Variants in MYH15 observed in about 807,000 individuals in gnomAD.
MYH15 encodes myosin-15.
A neutral mutation model predicts 240.5 loss-of-function variants in MYH15; 227 were observed. The observed-to-expected ratio is 0.94, with a 90% CI of 0.85 to 1.05. The LOEUF is 1.05. MYH15 is among the 50% of genes least tolerant of loss of function. The pLI is 0.00. For synonymous variants in MYH15, 785 were observed against 796.7 expected (o/e 0.99, Z 0.25); for missense variants, 2,217 against 2,247.5 (o/e 0.99, Z 0.27).
chr3:108,508,723 G>T (rs899092248), intron 1 of MYH15, among the ~76,000 whole-genome samples: 1 of 152,060 alleles, frequency 6.6e-6, no homozygotes, highest in Non-Finnish European at 1.5e-5. Flanking sequence ...TAAAACAGGG[G>T]TAATACTATA....
At chr3:108,404,634 A>T (rs1347541603) in intron 33 of MYH15, among the ~76,000 whole-genome samples, 3 of 152,184 alleles carry the variant, frequency 2.0e-5, no homozygotes, top group Non-Finnish European at 2.9e-5. Context: ...TGACAAAGCT[A>T]AGAAAACATT....
rs369600445 is a variant in MYH15 at position 108,463,142 on chromosome 3, G to C, written c.1833C>G (p.Ser611Arg). ...CAGTACTCATGTAATTTTCAAAAAG[G>C]CTCGCCAGGAGTCTGTTGGAAGACT... ...FQKSSNRLLASLFENYMSTDS... is the reference protein window; with the variant it reads ...FQKSSNRLLARLFENYMSTDS... Residue 611 changes from serine to arginine, a missense_variant, in exon 16 of 41, where the codon AGC becomes AGG. Ser to Arg is a moderately radical substitution (Grantham distance 110, BLOSUM62 -1). Coordinates refer to ENST00000693548, the MANE Select transcript of MYH15 (RefSeq NM_014981.3). The C allele has an allele frequency of 4.5e-5, 73 of 1,611,492 alleles. No homozygotes were observed. In the African/African-American group the frequency reaches 7.4e-4, roughly 16 times the overall value.
chr3:108,391,342 A>C (rs1576203723), intron 37 of MYH15, among the ~76,000 whole-genome samples: 1 of 152,130 alleles, frequency 6.6e-6, no homozygotes, highest in East Asian at 1.9e-4. Flanking sequence ...TTTCTTGATC[A>C]TTGATTTAGT....
chr3:108,451,610 C>T (rs2082974401), intron 21 of MYH15, among the ~76,000 whole-genome samples: 1 of 152,028 alleles, frequency 6.6e-6, no homozygotes, highest in Admixed American at 6.6e-5. Flanking sequence ...ATTCAAAGAC[C>T]AGTTATAAAC....
At chr3:108,437,405 G>T in intron 25 of MYH15, 149 bp downstream of exon 25, 1 of 952,482 alleles carries the variant, frequency 1.0e-6, no homozygotes, top group East Asian at 2.8e-5. Context: ...GTCCAGTAAA[G>T]AAAAAAAAAA....
intron 21 of MYH15, among the ~76,000 whole-genome samples, chr3:108,448,440 G>A (rs2082946388): frequency 6.6e-6 from 1 of 151,984 alleles, no homozygotes; most frequent in Non-Finnish European, 1.5e-5. Context: ...TTGAAAAAGA[G>A]CAGGGATACC....
At chr3:108,473,951 A>C (rs959662986) in intron 12 of MYH15, among the ~76,000 whole-genome samples, 5 of 152,166 alleles carry the variant, frequency 3.3e-5, no homozygotes, top group African/African-American at 1.2e-4. Flanking sequence ...TGTGCAGGAC[A>C]CTCTCATCCA....
chr3:108,484,987 T>A, intron 11 of MYH15, 104 bp downstream of exon 11: 1 of 1,230,772 alleles, frequency 8.1e-7, no homozygotes. Context: ...GGAGACACTA[T>A]TGATTAATTT....
At chr3:108,495,483 A>G (rs1419279398) in intron 7 of MYH15, among the ~76,000 whole-genome samples, 4 of 152,214 alleles carry the variant, frequency 2.6e-5, no homozygotes, top group African/African-American at 4.8e-5. Context: ...ATAAAACATT[A>G]TTATAATTTT....
intron 11 of MYH15, among the ~76,000 whole-genome samples, chr3:108,479,501 C>T (rs910114930): frequency 6.6e-6 from 1 of 152,144 alleles, no homozygotes; most frequent in African/African-American, 2.4e-5. Context: ...TTGTGGTAGT[C>T]CTCAACTTTG....
chr3:108,505,747 TA>T lies in MYH15; in HGVS notation c.170del (p.Val57GlufsTer11). On this transcript the variant is annotated frameshift_variant, in exon 2 of 41. Transcript: ENST00000693548. LOFTEE classifies it high-confidence loss of function. ...EVKGSEDDGTVIVETADGESL... is the reference protein window; with the variant it reads ...EVKGSEDDGTXIVETADGESL... ...CCTCTCCATCTGCTGTCTCAACAATTACTGTTCCATCATCTTCACTCCCTTT... is the reference window on the plus strand; with the variant it reads ...CCTCTCCATCTGCTGTCTCAACAATTCTGTTCCATCATCTTCACTCCCTTT... 1 of 1,612,182 alleles carries T rather than the reference TA, an allele frequency of 6.2e-7. No homozygotes were observed. The highest frequency in any genetic ancestry group is 8.5e-7 in the Non-Finnish European group (1 of 1,179,044).
intron 1 of MYH15, among the ~76,000 whole-genome samples, chr3:108,525,582 C>T (rs2083660367): frequency 6.6e-6 from 1 of 152,102 alleles, no homozygotes; most frequent in Non-Finnish European, 1.5e-5. Context: ...GGGCCAAAAA[C>T]ACTTTCCAGC....
At chr3:108,475,341 T>A (rs2083211511) in intron 12 of MYH15, among the ~76,000 whole-genome samples, 1 of 152,180 alleles carries the variant, frequency 6.6e-6, no homozygotes, top group Non-Finnish European at 1.5e-5. Flanking sequence ...CTCTGAGTAT[T>A]ATTGTAAGAA....
chr3:108,423,690 A>G (rs1436272357), intron 27 of MYH15, among the ~76,000 whole-genome samples: 1 of 152,234 alleles, frequency 6.6e-6, no homozygotes, highest in African/African-American at 2.4e-5. Context: ...TCTTTCTACA[A>G]ATGAGAAAAC....
chr3:108,470,604 C>T (rs1236424481), intron 13 of MYH15, 94 bp downstream of exon 13: 1 of 1,324,744 alleles, frequency 7.5e-7, no homozygotes, highest in Non-Finnish European at 1.0e-6. Flanking sequence ...ATAGAATGAT[C>T]CCCATGCTTT....
At chr3:108,432,463 C>G (rs1391360174) in intron 25 of MYH15, among the ~76,000 whole-genome samples, 14 of 152,142 alleles carry the variant, frequency 9.2e-5, no homozygotes, top group African/African-American at 3.4e-4. Flanking sequence ...AAAATTCAAG[C>G]CAGCTGCAGA....
At chr3:108,510,275 C>G (rs3843872) in intron 1 of MYH15, among the ~76,000 whole-genome samples, 168 bp downstream of exon 1, 34,320 of 152,072 alleles carry the variant, frequency 0.23, 4,558 homozygotes, top group Non-Finnish European at 0.3. Flanking sequence ...CCATTCCTAC[C>G]CTGGATACTC....
At chr3:108,443,756 A>C (rs1396770156) in intron 22 of MYH15, among the ~76,000 whole-genome samples, 4 of 151,988 alleles carry the variant, frequency 2.6e-5, no homozygotes, top group Admixed American at 2.0e-4. Context: ...TTTTAAAGAC[A>C]ATGGTTCTTA....
chr3:108,508,913 A>G (rs1041622927), intron 1 of MYH15, among the ~76,000 whole-genome samples: 2 of 152,022 alleles, frequency 1.3e-5, no homozygotes, highest in African/African-American at 4.8e-5. Flanking sequence ...TTTATTTTTC[A>G]CATTTATAGT....
Sources: allele counts gnomAD v4.1 joint callset (sites outside exome capture counted in the v4.1 genomes callset), GRCh38; gene constraint gnomAD v4.1.1; transcripts MANE v1.5; gene names NCBI Gene and HGNC (gene_info 2026-07-23, HGNC 2026-07-21).